The following PRMT8 variants were observed in gnomAD, a reference collection of about 807,000 sequenced individuals.
PRMT8 encodes the protein protein arginine N-methyltransferase 8.
PRMT8 carries 7 observed loss-of-function variants against 47.1 expected under a neutral mutation model. The observed-to-expected ratio is 0.15, with a 90% CI of 0.08 to 0.28. The LOEUF is 0.28. PRMT8 is among the 10% of genes least tolerant of loss of function. The pLI is 1.00. For missense variants in PRMT8, 237 were observed against 505.4 expected (o/e 0.47, Z 5.09); for synonymous variants, 188 against 186.5 (o/e 1.01, Z -0.07).
chr12:3,581,660 G>A (rs1220314601), intron 7 of PRMT8, among the ~76,000 whole-genome samples: 1 of 152,142 alleles, frequency 6.6e-6, no homozygotes, highest in Non-Finnish European at 1.5e-5. Flanking sequence ...AGTGTAATTG[G>A]CATTTGAATG....
intron 1 of PRMT8, among the ~76,000 whole-genome samples, chr12:3,425,021 C>T (rs1279495272): frequency 6.6e-6 from 1 of 152,200 alleles, no homozygotes; most frequent in African/African-American, 2.4e-5. Context: ...TTGCTGCTCC[C>T]AGTTTACTGA....
Position 3,508,793 on chromosome 12 carries a change from A to G in PRMT8, c.75+17093A>G, listed in dbSNP as rs1865669444. 1.3e-5 allele frequency among the ~76,000 whole-genome samples: 2 copies of G among 152,154 alleles called. No individual in the cohort carries two copies. The highest frequency in any genetic ancestry group is 4.1e-4 in the South Asian group (2 of 4,828). The stretch of plus-strand genomic sequence containing the variant: ...CTGCCTGCGGGACATCTTCACTGAG[A>G]TGTCTCATAGGCACCTCAGGTTCGC... On this transcript the variant is annotated intron_variant, in intron 1 of 9. Coordinates refer to ENST00000382622, the MANE Select transcript of PRMT8 (RefSeq NM_019854.5). This position sits in a 1 kb window ranked among gnomAD's most constrained non-coding sequence, Gnocchi z 4.9.
chr12:3,553,572 G>T, intron 3 of PRMT8, 79 bp from the exon 4 acceptor site: 2 of 1,226,220 alleles, frequency 1.6e-6, no homozygotes, highest in Non-Finnish European at 1.2e-6. Flanking sequence ...GGGCCTCAGC[G>T]TCTCTATCCA....
At chr12:3,577,992 C>T (rs551550716) in intron 7 of PRMT8, among the ~76,000 whole-genome samples, 21 of 152,308 alleles carry the variant, frequency 1.4e-4, no homozygotes, top group Non-Finnish European at 2.4e-4. Flanking sequence ...GCTGGGTTGC[C>T]TCTTCCAGTC....
chr12:3,487,420 G>A (rs1300052225), upstream of PRMT8, among the ~76,000 whole-genome samples: 1 of 152,186 alleles, frequency 6.6e-6, no homozygotes, highest in African/African-American at 2.4e-5. Flanking sequence ...GGAAGTGTTG[G>A]TTGGCCCCTG....
Position 3,514,028 on chromosome 12 carries a change from G to A in PRMT8, c.75+22328G>A, listed in dbSNP as rs929153875. Among the ~76,000 whole-genome samples, 13 of 152,260 alleles carry A rather than the reference G, an allele frequency of 8.5e-5. No individual in the cohort carries two copies. The highest frequency in any genetic ancestry group is 2.4e-4 in the African/African-American group (10 of 41,544). On this transcript the variant is annotated intron_variant, in intron 1 of 9. Coordinates refer to ENST00000382622, the MANE Select transcript of PRMT8 (RefSeq NM_019854.5). This position sits in a 1 kb window ranked among gnomAD's most constrained non-coding sequence, Gnocchi z 5.9. The stretch of plus-strand genomic sequence containing the variant: ...GGATACTGAAGGATCAGGCAGATCC[G>A]GGCAGAGGCAGGGGGCAGGGGCAGG...
At chr12:3,473,599 A>G (rs1179243966) in intron 1 of PRMT8, among the ~76,000 whole-genome samples, 3 of 152,032 alleles carry the variant, frequency 2.0e-5, no homozygotes, top group Non-Finnish European at 4.4e-5. Flanking sequence ...CCCCACTGGG[A>G]TCTAGAGCCC....
At chr12:3,428,505 GC>G (rs1358340443) in intron 1 of PRMT8, among the ~76,000 whole-genome samples, 1 of 152,142 alleles carries the variant, frequency 6.6e-6, no homozygotes, top group African/African-American at 2.4e-5. Context: ...GTTGTCAACG[GC>G]CTCAGTGCTT....
chr12:3,431,961 A>G (rs570512949), intron 1 of PRMT8, among the ~76,000 whole-genome samples: 2 of 152,354 alleles, frequency 1.3e-5, no homozygotes, highest in South Asian at 4.1e-4. Context: ...GCATTAAAGG[A>G]GCAGGAATTT....
intron 1 of PRMT8, among the ~76,000 whole-genome samples, chr12:3,449,322 A>C (rs7305346): frequency 0.36 from 54,450 of 152,126 alleles, 9,795 homozygotes; most frequent in Middle Eastern, 0.44. Flanking sequence ...ACTGTCTTCC[A>C]CAATGGTTGA....
intron 7 of PRMT8, among the ~76,000 whole-genome samples, chr12:3,578,884 C>A (rs1418084119): frequency 6.6e-6 from 1 of 152,158 alleles, no homozygotes; most frequent in East Asian, 1.9e-4. Context: ...CCATCAGATG[C>A]CCCCTCTCTT....
chr12:3,395,994 G>T (rs1864244955), intron 1 of PRMT8, among the ~76,000 whole-genome samples: 1 of 151,388 alleles, frequency 6.6e-6, no homozygotes, highest in South Asian at 2.1e-4. Flanking sequence ...TTTGATCTTT[G>T]TTGGTTTAAA....
intron 4 of PRMT8, among the ~76,000 whole-genome samples, chr12:3,561,991 C>A (rs1457906178): frequency 6.6e-6 from 1 of 152,144 alleles, no homozygotes; most frequent in African/African-American, 2.4e-5. Context: ...TGGATGCCAT[C>A]ATTGGCCATG....
intron 1 of PRMT8, among the ~76,000 whole-genome samples, chr12:3,537,521 G>A (rs1440934068): frequency 1.3e-5 from 2 of 152,138 alleles, no homozygotes; most frequent in Non-Finnish European, 2.9e-5. Flanking sequence ...CTGCATTAAT[G>A]TCTTCTTGCT....
Position 3,593,310 on chromosome 12 carries a change from AT to A in PRMT8, c.*130del. The A allele has an allele frequency of 5.2e-6, 4 of 773,678 alleles. No homozygotes were observed. Among genetic ancestry groups the A allele is most frequent in the Non-Finnish European group, 6.2e-6 (3 of 481,410 alleles). The allele number at this position is 773,678 out of a possible 1,614,324, so 47.9% of individuals were successfully genotyped here. ...CAGAGTTTTCAACTCTGCCTTGAAG[AT>A]TGGTGAACTCCCCAGGGCTCCCGTG... is the stretch of plus-strand genomic sequence containing the variant. On this transcript the variant is annotated 3_prime_UTR_variant, in exon 10 of 10. Transcript: ENST00000382622. This position sits in a 1 kb window ranked among gnomAD's most constrained non-coding sequence, Gnocchi z 4.8.
At chr12:3,515,736 G>A (rs1391266481) in intron 1 of PRMT8, among the ~76,000 whole-genome samples, 1 of 152,240 alleles carries the variant, frequency 6.6e-6, no homozygotes, top group African/African-American at 2.4e-5. Context: ...TGAGCCTGGT[G>A]TGGTTGAACT....
chr12:3,482,794 G>A (rs1184746253), intron 1 of PRMT8, among the ~76,000 whole-genome samples: 2 of 152,204 alleles, frequency 1.3e-5, no homozygotes, highest in Non-Finnish European at 2.9e-5. Flanking sequence ...CATTTACTGA[G>A]GTCCACAATG....
intron 1 of PRMT8, among the ~76,000 whole-genome samples, chr12:3,451,726 G>A (rs904965551): frequency 2.6e-5 from 4 of 152,226 alleles, no homozygotes; most frequent in East Asian, 1.9e-4. Flanking sequence ...TGATGATGAC[G>A]TGAGGACTCT....
At chr12:3,468,479 A>T (rs11837485) in intron 1 of PRMT8, among the ~76,000 whole-genome samples, 2,116 of 152,314 alleles carry the variant, frequency 0.014, 44 homozygotes, top group African/African-American at 0.048. Flanking sequence ...TATGTGCAAC[A>T]GAACACCAAG....
Sources: allele counts gnomAD v4.1 joint callset (sites outside exome capture counted in the v4.1 genomes callset), GRCh38; gene constraint gnomAD v4.1.1; non-coding constraint Gnocchi (gnomAD v3.1); transcripts MANE v1.5; gene names NCBI Gene and HGNC (gene_info 2026-07-23, HGNC 2026-07-21).